Variants in ADCK1 observed in about 807,000 individuals in gnomAD.
ADCK1 encodes the protein aarF domain-containing protein kinase 1.
ADCK1 carries 41 observed loss-of-function variants against 52.3 expected under a neutral mutation model. The ratio of observed to expected loss-of-function variants is 0.78; its 90% CI spans 0.61 to 1.02. ADCK1 has a LOEUF of 1.02. Ranked by LOEUF, ADCK1 falls within the 50% of genes least tolerant of loss-of-function variation. The pLI is 0.00. For missense variants in ADCK1, 658 were observed against 679.5 expected (o/e 0.97, Z 0.35); for synonymous variants, 250 against 274.6 (o/e 0.91, Z 0.89).
chr14:77,859,332 C>G lies in ADCK1; in HGVS notation c.423+53C>G, dbSNP rs28498552. ...CTTGGTTGGGATGCTTCAGAAAAGG[C>G]CCCGGCTGAATTCTTGCAGCCTCGA... On this transcript the variant is annotated intron_variant, in intron 4 of 10. Coordinates refer to ENST00000238561, the MANE Select transcript of ADCK1 (RefSeq NM_020421.4). The G allele has an allele frequency of 5.2e-6, 8 of 1,550,066 alleles. No individual in the cohort carries two copies. In the Admixed American group the frequency reaches 7.4e-5, roughly 14 times the overall value.
At chr14:77,865,220 T>G (rs2082638065) in intron 4 of ADCK1, among the ~76,000 whole-genome samples, 1 of 152,180 alleles carries the variant, frequency 6.6e-6, no homozygotes, top group South Asian at 2.1e-4. Context: ...GGCTTATGCC[T>G]GTAATCCCAG....
intron 4 of ADCK1, among the ~76,000 whole-genome samples, chr14:77,880,744 C>T (rs1475001658): frequency 6.6e-6 from 1 of 152,212 alleles, no homozygotes; most frequent in African/African-American, 2.4e-5. Flanking sequence ...GCAGGAAGCA[C>T]TGTCTCCAGC....
intron 4 of ADCK1, among the ~76,000 whole-genome samples, chr14:77,884,952 A>T (rs2083115709): frequency 6.6e-6 from 1 of 152,180 alleles, no homozygotes. Context: ...AGGTCTTTGG[A>T]TTCATAGGAA....
intron 3 of ADCK1, among the ~76,000 whole-genome samples, chr14:77,845,349 A>G (rs2082153548): frequency 6.6e-6 from 1 of 152,236 alleles, no homozygotes; most frequent in African/African-American, 2.4e-5. Context: ...TACATGTATA[A>G]AGGGTTCAGA....
chr14:77,850,503 G>C (rs181573959), intron 3 of ADCK1, among the ~76,000 whole-genome samples: 2 of 152,192 alleles, frequency 1.3e-5, no homozygotes, highest in East Asian at 1.9e-4. Context: ...GTTTAGGATG[G>C]TATATCCTCT....
At chr14:77,910,983 TA>T (rs149914079) in intron 7 of ADCK1, among the ~76,000 whole-genome samples, 2,745 of 152,280 alleles carry the variant, frequency 0.018, 95 homozygotes, top group African/African-American at 0.063. Context: ...CAGGCAGGCC[TA>T]GGGGAGAGTG....
At chr14:77,902,447 C>T (rs530738660) in intron 6 of ADCK1, 62 of 152,302 alleles carry the variant, frequency 4.1e-4, no homozygotes, top group Non-Finnish European at 7.3e-4. Flanking sequence ...GGAGCTCAAA[C>T]CACCAGTTCA....
rs2083702758 is a variant in ADCK1 at position 77,907,854 on chromosome 14, T to G, written c.793T>G (p.Phe265Val). Residue 265 changes from phenylalanine to valine, a missense_variant, in exon 7 of 11, where the codon TTT (phenylalanine) becomes GTT (valine). Transcript: ENST00000238561. The stretch of plus-strand genomic sequence containing the variant: ...CACGGAGCGGGTCCTCCTGATGGAG[T>G]TTGTGGATGGCGGGCAGGTCAATGA... ...LSTERVLLMEFVDGGQVNDRD... is the reference protein window; with the variant it reads ...LSTERVLLMEVVDGGQVNDRD... 1 of 1,613,454 alleles carries G rather than the reference T, an allele frequency of 6.2e-7. No individual in the cohort carries two copies. The highest frequency in any genetic ancestry group is 1.3e-5 in the African/African-American group (1 of 74,760).
chr14:77,847,712 C>T (rs1415586720), intron 3 of ADCK1, among the ~76,000 whole-genome samples: 1 of 152,254 alleles, frequency 6.6e-6, no homozygotes, highest in African/African-American at 2.4e-5. Context: ...CCTTGTTGGG[C>T]TGCACAGTCC....
At chr14:77,919,226 T>C (rs1486940073) in intron 7 of ADCK1, among the ~76,000 whole-genome samples, 1 of 152,182 alleles carries the variant, frequency 6.6e-6, no homozygotes, top group Admixed American at 6.5e-5. Context: ...CAATGTGTAG[T>C]CTTTTATCCC....
intron 4 of ADCK1, among the ~76,000 whole-genome samples, chr14:77,873,108 A>G (rs2082822015): frequency 6.6e-6 from 1 of 152,112 alleles, no homozygotes; most frequent in African/African-American, 2.4e-5. Flanking sequence ...AGCAGTGTAC[A>G]CTGTAACCAA....
At chr14:77,856,933 T>C (rs2082428799) in intron 3 of ADCK1, among the ~76,000 whole-genome samples, 1 of 151,312 alleles carries the variant, frequency 6.6e-6, no homozygotes, top group Non-Finnish European at 1.5e-5. Context: ...ATCTGGGAGA[T>C]GGAGGTTGCA....
intron 4 of ADCK1, among the ~76,000 whole-genome samples, chr14:77,880,622 G>GGA (rs1446619621): frequency 6.6e-6 from 1 of 152,158 alleles, no homozygotes; most frequent in Admixed American, 6.5e-5. Context: ...GAGTGAGGAG[G>GGA]GAGAGAGACA....
intron 1 of ADCK1, 141 bp from the exon 2 acceptor site, chr14:77,818,827 C>T (rs1399347585): frequency 1.6e-5 from 16 of 980,618 alleles, no homozygotes; most frequent in Non-Finnish European, 2.2e-5. Flanking sequence ...TCCTGTTTTA[C>T]AAACGAAGAA....
chr14:77,879,925 C>T (rs74065815), intron 4 of ADCK1, among the ~76,000 whole-genome samples: 9,372 of 152,236 alleles, frequency 0.062, 345 homozygotes, highest in Middle Eastern at 0.12. Flanking sequence ...CTATTCTAGA[C>T]CCTTTATGTA....
chr14:77,911,639 C>T (rs1011983219), intron 7 of ADCK1, among the ~76,000 whole-genome samples: 3 of 151,976 alleles, frequency 2.0e-5, no homozygotes, highest in African/African-American at 7.3e-5. Context: ...CAGTGCCTGG[C>T]GTGTGCTAAG....
At chr14:77,802,767 G>A (rs907141876) in intron 1 of ADCK1, among the ~76,000 whole-genome samples, 6 of 152,038 alleles carry the variant, frequency 3.9e-5, no homozygotes, top group Non-Finnish European at 7.4e-5. Context: ...TGGCTAACAT[G>A]GTGAAACACC....
chr14:77,918,088 G>C (rs777211861), intron 7 of ADCK1, among the ~76,000 whole-genome samples: 1 of 152,210 alleles, frequency 6.6e-6, no homozygotes, highest in East Asian at 1.9e-4. Flanking sequence ...TGCCTGGCAT[G>C]GTGCCTGGTA....
At chr14:77,816,224 T>C (rs773792661) in intron 1 of ADCK1, among the ~76,000 whole-genome samples, 2 of 152,196 alleles carry the variant, frequency 1.3e-5, no homozygotes, top group Non-Finnish European at 2.9e-5. Context: ...AGCAATGGAA[T>C]TATAAAAAAG....
Sources: allele counts gnomAD v4.1 joint callset (sites outside exome capture counted in the v4.1 genomes callset), GRCh38; gene constraint gnomAD v4.1.1; transcripts MANE v1.5; gene names NCBI Gene and HGNC (gene_info 2026-07-23, HGNC 2026-07-21).